HDAC9: variants seen among roughly 807,000 people sequenced by gnomAD.
HDAC9 encodes histone deacetylase 9, also known as MEF-2 interacting transcription repressor (MITR) protein.
Under a neutral mutation model 139.4 loss-of-function variants are expected in HDAC9, and 41 were observed. The observed-to-expected ratio is 0.29, with a 90% confidence interval of 0.23 to 0.38. The LOEUF (loss-of-function observed/expected upper bound fraction) is 0.38, where lower values mean the gene tolerates loss of function less well. HDAC9 is among the 10% of genes least tolerant of loss of function. The pLI, the probability that HDAC9 is intolerant of heterozygous loss-of-function variation, is 1.00. For synonymous variants in HDAC9, 517 were observed against 476.2 expected (o/e 1.09, Z -1.12); for missense variants, 1,147 against 1,297.0 (o/e 0.88, Z 1.78).
At chr7:18,704,765 A>T (rs923585217) in intron 12 of HDAC9, among the ~76,000 whole-genome samples, 8 of 152,218 alleles carry the variant, frequency 5.3e-5, no homozygotes, top group Non-Finnish European at 8.8e-5. Flanking sequence ...CTTGATAATA[A>T]TTTTTAAAAA....
chr7:18,524,497 C>T (rs1263859280), intron 2 of HDAC9, among the ~76,000 whole-genome samples: 1 of 152,106 alleles, frequency 6.6e-6, no homozygotes, highest in Non-Finnish European at 1.5e-5. Context: ...TAAAGACAAT[C>T]ATACAACATG....
chr7:18,854,627 A>G (rs1333177750), intron 21 of HDAC9, among the ~76,000 whole-genome samples: 1 of 152,092 alleles, frequency 6.6e-6, no homozygotes, highest in Non-Finnish European at 1.5e-5. Flanking sequence ...GAAATAGAGG[A>G]CAAAGACACT....
chr7:18,130,052 A>G (rs1031001148), intron 1 of HDAC9, among the ~76,000 whole-genome samples: 10 of 152,178 alleles, frequency 6.6e-5, no homozygotes, highest in African/African-American at 2.4e-4. Context: ...TGGATCAGAC[A>G]TGTTACATGG....
intron 2 of HDAC9, among the ~76,000 whole-genome samples, chr7:18,504,156 A>G (rs948530737): frequency 1.3e-5 from 2 of 152,182 alleles, no homozygotes; most frequent in African/African-American, 2.4e-5. Context: ...AAATCTCATA[A>G]TCAAAATTCA....
intron 21 of HDAC9, among the ~76,000 whole-genome samples, chr7:18,849,644 T>C (rs1797140517): frequency 6.6e-6 from 1 of 152,180 alleles, no homozygotes; most frequent in African/African-American, 2.4e-5. Flanking sequence ...GTAAATCAAT[T>C]TGTCGACTTA....
chr7:18,543,897 A>C (rs187233835), intron 2 of HDAC9, among the ~76,000 whole-genome samples: 1 of 152,098 alleles, frequency 6.6e-6, no homozygotes, highest in East Asian at 1.9e-4. Flanking sequence ...AAAAAAAAAA[A>C]AAAAAGAAAA....
At chr7:18,320,811 G>A (rs1227957578) in intron 1 of HDAC9, among the ~76,000 whole-genome samples, 1 of 152,214 alleles carries the variant, frequency 6.6e-6, no homozygotes, top group Non-Finnish European at 1.5e-5. Flanking sequence ...CTGGGCCGGG[G>A]GTAGACCCTA....
At chr7:18,568,026 G>GTGTGTATATATATATATATA (rs1384273199) in intron 2 of HDAC9, among the ~76,000 whole-genome samples, 8 of 126,818 alleles carry the variant, frequency 6.3e-5, no homozygotes, top group South Asian at 4.9e-4. Flanking sequence ...ATATGTATAT[G>GTGTGTATATATATATATATA]TATATATATA....
chr7:18,471,374 T>G (rs1002347788), intron 1 of HDAC9, among the ~76,000 whole-genome samples: 1 of 152,190 alleles, frequency 6.6e-6, no homozygotes, highest in Non-Finnish European at 1.5e-5. Context: ...ACACAATACC[T>G]TTTAGTTTTT....
intron 1 of HDAC9, among the ~76,000 whole-genome samples, chr7:18,139,472 T>G (rs2128108445): frequency 6.6e-6 from 1 of 152,266 alleles, no homozygotes; most frequent in South Asian, 2.1e-4. Flanking sequence ...CACCAAGTAA[T>G]TATGATGCTT....
At chr7:18,289,035 C>A (rs1017295678), upstream of HDAC9, among the ~76,000 whole-genome samples, 2 of 152,162 alleles carry the variant, frequency 1.3e-5, no homozygotes, top group Non-Finnish European at 2.9e-5. Flanking sequence ...GTCTTTTCTT[C>A]TTTCTTTCCT....
intron 2 of HDAC9, among the ~76,000 whole-genome samples, chr7:18,581,160 T>C (rs1021787453): frequency 6.6e-6 from 1 of 152,168 alleles, no homozygotes; most frequent in Non-Finnish European, 1.5e-5. Context: ...GAAATATTCA[T>C]GCCTTTGCTC....
At chr7:18,403,099 G>A (rs1191393994) in intron 1 of HDAC9, among the ~76,000 whole-genome samples, 1 of 151,856 alleles carries the variant, frequency 6.6e-6, no homozygotes, top group East Asian at 1.9e-4. Flanking sequence ...TTTGAGAATT[G>A]GATATAAAAT....
At chr7:18,667,576 A>ATTCAAGTCAG in intron 12 of HDAC9, 3 of 985,336 alleles carry the variant, frequency 3.0e-6, no homozygotes, top group Non-Finnish European at 3.6e-6. Context: ...GACACTGTTT[A>ATTCAAGTCAG]TTCAAGTCAG....
chr7:18,669,738 G>T (rs529566626), intron 12 of HDAC9, among the ~76,000 whole-genome samples: 1 of 151,624 alleles, frequency 6.6e-6, no homozygotes, highest in South Asian at 2.1e-4. Context: ...TGTTATATAG[G>T]GTGAGTTTTA....
At chr7:18,139,308 G>A (rs1391772147) in intron 1 of HDAC9, among the ~76,000 whole-genome samples, 1 of 151,602 alleles carries the variant, frequency 6.6e-6, no homozygotes, top group Non-Finnish European at 1.5e-5. Flanking sequence ...GTTATTTTTT[G>A]TAGAGATGGG....
At position 18,437,663 on chromosome 7, in the gene HDAC9, G is replaced by A. The variant is rs138641530; in HGVS notation, c.-41-58599G>A. Among the ~76,000 whole-genome samples, 10 of 151,308 alleles carry A rather than the reference G, an allele frequency of 6.6e-5. 1 individual carries two copies. In the Middle Eastern group the frequency reaches 0.01, roughly 157 times the overall value. The stretch of plus-strand genomic sequence containing the variant: ...CATTGTTTGGTACTATGCAGTGTTC[G>A]AAAATAATTTTCACTTCTCTGATGC... On this transcript the variant is annotated intron_variant, in intron 1 of 3. Transcript: ENST00000413509.
intron 12 of HDAC9, among the ~76,000 whole-genome samples, chr7:18,712,418 C>G (rs1784413272): frequency 6.6e-6 from 1 of 152,140 alleles, no homozygotes; most frequent in Non-Finnish European, 1.5e-5. Context: ...ATGCCATAGT[C>G]ACTTATTCTG....
chr7:18,232,570 C>G (rs1368174378), intron 2 of HDAC9, among the ~76,000 whole-genome samples: 1 of 152,130 alleles, frequency 6.6e-6, no homozygotes, highest in Non-Finnish European at 1.5e-5. Context: ...TTTTTATCCC[C>G]CACTAGGTTT....
Sources: gnomAD v4.1 joint callset for allele counts (sites outside exome capture counted in the v4.1 genomes callset) on GRCh38, gnomAD v4.1.1 for gene constraint, MANE v1.5 for transcripts, NCBI Gene and HGNC (gene_info 2026-07-23, HGNC 2026-07-21) for gene names.